Variants in CUBN observed in about 807,000 individuals in gnomAD.
CUBN encodes the protein 460 kDa receptor.
In CUBN, 282 loss-of-function variants were observed where a neutral mutation model predicts 405.3. The ratio of observed to expected loss-of-function variants is 0.70; its 90% CI spans 0.63 to 0.77. The LOEUF is 0.77. CUBN is among the 30% of genes least tolerant of loss of function. The pLI is 0.00. For synonymous variants in CUBN, 1,684 were observed against 1,617.0 expected (o/e 1.04, Z -0.99); for missense variants, 4,514 against 4,475.2 (o/e 1.01, Z -0.25).
chr10:17,066,437 C>T (rs1482822156), intron 21 of CUBN, among the ~76,000 whole-genome samples: 1 of 151,492 alleles, frequency 6.6e-6, no homozygotes, highest in Non-Finnish European at 1.5e-5. Context: ...AATATAGAAA[C>T]CAAAAAGAGA....
chr10:17,043,144 A>T (rs1835052820), intron 26 of CUBN, among the ~76,000 whole-genome samples: 1 of 152,184 alleles, frequency 6.6e-6, no homozygotes, highest in Admixed American at 6.5e-5. Context: ...CTAAAAGAAG[A>T]AACCATGGGA....
At chr10:16,936,961 T>C (rs1351903073) in intron 39 of CUBN, among the ~76,000 whole-genome samples, 1 of 152,060 alleles carries the variant, frequency 6.6e-6, no homozygotes. Flanking sequence ...AAGTGATCCG[T>C]CTACCTCTGC....
Position 17,122,852 on chromosome 10 carries a change from C to A in CUBN, c.536G>T (p.Gly179Val), listed in dbSNP as rs370373276. Residue 179 changes from glycine to valine, a missense_variant, in exon 6 of 67, where the codon GGA becomes GTA. This residue lies in a region of CUBN where 1,448 missense variants were observed against 1,388.0 expected (regional missense o/e 1.04). Coordinates refer to ENST00000377833, the MANE Select transcript of CUBN (RefSeq NM_001081.4). ...TCCATTCTGGCAGCTCAAGGGTGTT[C>A]CTGAGTAAATCTCACATTCGTTAAC... Reference protein sequence around the residue: ...ADVNECEIYSGTPLSCQNGGT... With the variant: ...ADVNECEIYSVTPLSCQNGGT... The A allele has an allele frequency of 7.3e-5, 118 of 1,613,518 alleles. No individual in the cohort carries two copies. Among genetic ancestry groups the A allele is most frequent in the Middle Eastern group, 1.6e-4 (1 of 6,082 alleles).
intron 39 of CUBN, among the ~76,000 whole-genome samples, chr10:16,936,482 A>T (rs1481836147): frequency 2.6e-5 from 4 of 152,210 alleles, no homozygotes; most frequent in Admixed American, 1.3e-4. Context: ...ATATAAGTAC[A>T]AATTATCTTC....
chr10:16,831,371 C>T lies in CUBN; in HGVS notation c.10409G>A (p.Cys3470Tyr). ...NSNSPLLGKY[C>Y]GTLLPNPVFS... Reference sequence around the variant, plus strand: ...GACAGGGTTTGGCAGCAGAGTTCCACAGTACTTGCCCAGTAATGGTGAATT... The same window carrying T: ...GACAGGGTTTGGCAGCAGAGTTCCATAGTACTTGCCCAGTAATGGTGAATT... The change falls in exon 65 of 67, where the codon TGT becomes TAT. Residue 3470 changes from cysteine (C) to tyrosine (Y), a missense_variant. This residue lies in a region of CUBN where 1,186 missense variants were observed against 1,186.9 expected (regional missense o/e 1.00). Coordinates refer to ENST00000377833, the MANE Select transcript of CUBN (RefSeq NM_001081.4). 6 of 1,614,100 alleles carry T rather than the reference C, an allele frequency of 3.7e-6. No homozygotes were observed. Among genetic ancestry groups the T allele is most frequent in the Non-Finnish European group, 5.1e-6 (6 of 1,179,952 alleles).
intron 47 of CUBN, 118 bp from the exon 48 acceptor site, chr10:16,914,110 ATATT>A (rs1346290402): frequency 4.7e-6 from 5 of 1,061,518 alleles, no homozygotes; most frequent in Non-Finnish European, 7.0e-6. Flanking sequence ...ATTAGTCTCC[ATATT>A]TATTTATGTG....
chr10:17,018,117 G>A (rs779566689), intron 28 of CUBN, among the ~76,000 whole-genome samples: 2 of 152,160 alleles, frequency 1.3e-5, no homozygotes, highest in Non-Finnish European at 2.9e-5. Flanking sequence ...TTGTTAGAGA[G>A]CCGTTTCCCA....
intron 59 of CUBN, among the ~76,000 whole-genome samples, chr10:16,858,925 C>CA (rs1409979627): frequency 6.6e-6 from 1 of 152,074 alleles, no homozygotes; most frequent in Non-Finnish European, 1.5e-5. Flanking sequence ...CATCCAGAGG[C>CA]AAAAAACTGA....
chr10:17,078,666 A>C (rs1456789601), intron 17 of CUBN, among the ~76,000 whole-genome samples: 1 of 152,196 alleles, frequency 6.6e-6, no homozygotes, highest in Non-Finnish European at 1.5e-5. Flanking sequence ...TGAATAGATA[A>C]ATGAATGAAT....
At chr10:17,105,422 G>A in intron 11 of CUBN, 35 bp downstream of exon 11, 3 of 1,160,144 alleles carry the variant, frequency 2.6e-6, no homozygotes, top group East Asian at 4.7e-5. Context: ...TAATTCTCAG[G>A]TACTCTCTGT....
intron 28 of CUBN, among the ~76,000 whole-genome samples, chr10:16,992,387 T>C (rs1833617124): frequency 6.6e-6 from 1 of 152,122 alleles, no homozygotes; most frequent in Admixed American, 6.5e-5. Context: ...ACTTAAAGTA[T>C]AATAATAAAA....
At chr10:17,013,994 G>A (rs1476355251) in intron 28 of CUBN, among the ~76,000 whole-genome samples, 3 of 152,150 alleles carry the variant, frequency 2.0e-5, no homozygotes, top group Non-Finnish European at 4.4e-5. Flanking sequence ...GAGAAAAGTG[G>A]CAGGGTTGAG....
At chr10:17,022,792 C>T (rs1398228413) in intron 27 of CUBN, among the ~76,000 whole-genome samples, 2 of 152,208 alleles carry the variant, frequency 1.3e-5, no homozygotes, top group Admixed American at 1.3e-4. Context: ...AAATGCTCTA[C>T]CATCTTTCAC....
chr10:16,871,184 T>G (rs1322039795), intron 58 of CUBN, among the ~76,000 whole-genome samples: 1 of 151,748 alleles, frequency 6.6e-6, no homozygotes, highest in African/African-American at 2.4e-5. Flanking sequence ...TCCACCACCA[T>G]GCCTGGCTAT....
chr10:16,892,269 C>T (rs1256970394), intron 54 of CUBN, among the ~76,000 whole-genome samples: 4 of 152,054 alleles, frequency 2.6e-5, no homozygotes, highest in Non-Finnish European at 4.4e-5. Flanking sequence ...AGGGAGGTGC[C>T]TGGCGCTGGA....
chr10:17,126,614 C>G, intron 4 of CUBN, 147 bp downstream of exon 4: 1 of 844,252 alleles, frequency 1.2e-6, no homozygotes, highest in East Asian at 2.7e-5. Context: ...CTGGGAAGCA[C>G]ATGCTGGGAT....
chr10:17,032,455 A>G (rs1834806324), intron 27 of CUBN, among the ~76,000 whole-genome samples: 1 of 152,106 alleles, frequency 6.6e-6, no homozygotes, highest in Admixed American at 6.5e-5. Context: ...TCATGTAGTG[A>G]TGACACTTCC....
chr10:16,952,129 T>G, intron 33 of CUBN, 147 bp downstream of exon 33: 1 of 673,020 alleles, frequency 1.5e-6, no homozygotes, highest in South Asian at 1.5e-5. Flanking sequence ...TGCTTGTTCT[T>G]AAGCACATCA....
rs188350812 is a variant in CUBN at position 17,055,506 on chromosome 10, T to A, written c.3140-7903A>T. On this transcript the variant is annotated intron_variant, in intron 22 of 66. Coordinates refer to ENST00000377833, the MANE Select transcript of CUBN (RefSeq NM_001081.4). ...TAACTTATTCACAGTTATTGTCATC[T>A]ATGTAGTATATACTAAAGGATTTAT... 1.6e-4 allele frequency among the ~76,000 whole-genome samples: 24 copies of A among 152,232 alleles called. 1 individual carries two copies. Among genetic ancestry groups the A allele is most frequent in the African/African-American group, 5.3e-4 (22 of 41,558 alleles).
Sources: allele counts gnomAD v4.1 joint callset (sites outside exome capture counted in the v4.1 genomes callset), GRCh38; gene constraint gnomAD v4.1.1; regional missense constraint gnomAD v4.1.1; transcripts MANE v1.5; gene names NCBI Gene and HGNC (gene_info 2026-07-23, HGNC 2026-07-21).